ANKS1B: variants seen among roughly 807,000 people sequenced by gnomAD.
ANKS1B encodes ankyrin repeat and sterile alpha motif domain-containing protein 1B.
Under a neutral mutation model 148.3 loss-of-function variants are expected in ANKS1B, and 36 were observed. That is an observed-to-expected ratio of 0.24 (90% CI 0.19 to 0.32). The LOEUF is 0.32. Ranked by LOEUF, ANKS1B falls within the 10% of genes least tolerant of loss-of-function variation. ANKS1B has a pLI of 1.00. For missense variants in ANKS1B, 1,157 were observed against 1,542.6 expected (o/e 0.75, Z 4.19); for synonymous variants, 542 against 560.8 (o/e 0.97, Z 0.47).
At chr12:99,617,170 A>C (rs1035212018) in intron 9 of ANKS1B, among the ~76,000 whole-genome samples, 11 of 152,312 alleles carry the variant, frequency 7.2e-5, no homozygotes, top group Non-Finnish European at 1.3e-4. Context: ...GTGGAGAAAT[A>C]GGTACACTTT....
chr12:99,413,371 C>T (rs973222615), intron 11 of ANKS1B, among the ~76,000 whole-genome samples: 1 of 152,126 alleles, frequency 6.6e-6, no homozygotes, highest in Admixed American at 6.5e-5. Flanking sequence ...AAAGACACCA[C>T]ACTATAGGTA....
At chr12:99,598,004 T>C (rs926356204) in intron 9 of ANKS1B, among the ~76,000 whole-genome samples, 3 of 151,996 alleles carry the variant, frequency 2.0e-5, no homozygotes, top group African/African-American at 7.2e-5. Context: ...GGTGAGAAAA[T>C]GCTGACCTCT....
intron 4 of ANKS1B, among the ~76,000 whole-genome samples, chr12:99,787,370 C>T (rs569566731): frequency 2.6e-4 from 40 of 152,304 alleles, no homozygotes; most frequent in African/African-American, 8.9e-4. Context: ...GACTTTGCTC[C>T]TCCTTCACCT....
intron 17 of ANKS1B, among the ~76,000 whole-genome samples, chr12:99,044,276 A>C (rs139788086): frequency 6.7e-6 from 1 of 150,114 alleles, no homozygotes; most frequent in Non-Finnish European, 1.5e-5. Flanking sequence ...AAAGAACAAA[A>C]ATCTTCATGC....
At chr12:99,110,641 A>C (rs960129221) in intron 15 of ANKS1B, among the ~76,000 whole-genome samples, 5 of 152,220 alleles carry the variant, frequency 3.3e-5, no homozygotes, top group African/African-American at 1.2e-4. Context: ...TGAAGCAGGA[A>C]GTTTCTCTAT....
At chr12:99,495,789 A>C (rs1012748497) in intron 10 of ANKS1B, among the ~76,000 whole-genome samples, 6 of 152,228 alleles carry the variant, frequency 3.9e-5, no homozygotes, top group Non-Finnish European at 8.8e-5. Flanking sequence ...AGAGATAAAC[A>C]TTTGTTCTAG....
At chr12:98,843,932 C>T (rs2099428457) in intron 17 of ANKS1B, among the ~76,000 whole-genome samples, 1 of 152,064 alleles carries the variant, frequency 6.6e-6, no homozygotes, top group Non-Finnish European at 1.5e-5. Flanking sequence ...TTTCTGAGTG[C>T]CCAGATATGA....
At chr12:99,310,529 A>T (rs778036812) in intron 12 of ANKS1B, among the ~76,000 whole-genome samples, 1 of 152,062 alleles carries the variant, frequency 6.6e-6, no homozygotes, top group Non-Finnish European at 1.5e-5. Flanking sequence ...CTACCTTCGG[A>T]TTGAGACATT....
chr12:99,488,183 T>TTCCTA (rs1363886503), intron 10 of ANKS1B, among the ~76,000 whole-genome samples: 1 of 152,180 alleles, frequency 6.6e-6, no homozygotes, highest in Non-Finnish European at 1.5e-5. Flanking sequence ...TGCTTGATCT[T>TTCCTA]TCCTATTTTA....
At chr12:99,583,183 A>T (rs549822113) in intron 9 of ANKS1B, among the ~76,000 whole-genome samples, 1 of 152,248 alleles carries the variant, frequency 6.6e-6, no homozygotes, top group East Asian at 1.9e-4. Flanking sequence ...TTGCTTTGGG[A>T]TCACCAAAAT....
intron 1 of ANKS1B, among the ~76,000 whole-genome samples, chr12:99,902,293 G>A (rs1289693966): frequency 6.6e-6 from 1 of 152,184 alleles, no homozygotes; most frequent in Non-Finnish European, 1.5e-5. Flanking sequence ...GGGAAAGCCA[G>A]AGGAAGAAAA....
chr12:99,484,262 A>T (rs1192979284), intron 10 of ANKS1B, among the ~76,000 whole-genome samples: 2 of 151,950 alleles, frequency 1.3e-5, no homozygotes, highest in Non-Finnish European at 2.9e-5. Context: ...CTCAGATATC[A>T]TTGAGGAGCA....
At chr12:98,823,638 T>C (rs1312706930) in intron 19 of ANKS1B, among the ~76,000 whole-genome samples, 1 of 152,220 alleles carries the variant, frequency 6.6e-6, no homozygotes, top group Non-Finnish European at 1.5e-5. Context: ...ACTACAGGCA[T>C]CCGCCATCAT....
At chr12:99,136,462 T>G (rs77716117) in intron 15 of ANKS1B, among the ~76,000 whole-genome samples, 1,641 of 152,284 alleles carry the variant, frequency 0.011, 32 homozygotes, top group African/African-American at 0.037. Context: ...AAAACTAAGT[T>G]GACTTGAAAC....
At chr12:98,888,550 G>A (rs573088114) in intron 17 of ANKS1B, among the ~76,000 whole-genome samples, 3 of 152,272 alleles carry the variant, frequency 2.0e-5, no homozygotes, top group African/African-American at 7.2e-5. Context: ...TCTTTGCCAC[G>A]ACCAGCAAGG....
At chr12:99,749,175 C>T (rs2060873041) in intron 8 of ANKS1B, among the ~76,000 whole-genome samples, 1 of 152,208 alleles carries the variant, frequency 6.6e-6, no homozygotes, top group South Asian at 2.1e-4. Context: ...AAGCTTTGAC[C>T]TGGATACATA....
At chr12:98,929,211 T>C (rs1159702614) in intron 17 of ANKS1B, among the ~76,000 whole-genome samples, 1 of 151,920 alleles carries the variant, frequency 6.6e-6, no homozygotes, top group African/African-American at 2.4e-5. Flanking sequence ...TGCCTAGTAA[T>C]AGATTTAAAA....
chr12:99,624,377 T>C (rs2098088825), intron 9 of ANKS1B, among the ~76,000 whole-genome samples: 1 of 151,938 alleles, frequency 6.6e-6, no homozygotes, highest in Non-Finnish European at 1.5e-5. Flanking sequence ...TCAAAAGCAA[T>C]TGCAACAAAA....
intron 14 of ANKS1B, among the ~76,000 whole-genome samples, chr12:99,165,821 A>G (rs2153833288): frequency 6.6e-6 from 1 of 152,086 alleles, no homozygotes; most frequent in South Asian, 2.1e-4. Context: ...TCAAGACATT[A>G]TGAGAAAAGA....
Sources: gnomAD v4.1 joint callset for allele counts (sites outside exome capture counted in the v4.1 genomes callset) on GRCh38, gnomAD v4.1.1 for gene constraint, MANE v1.5 for transcripts, NCBI Gene and HGNC (gene_info 2026-07-23, HGNC 2026-07-21) for gene names.